Variants in ARHGEF26 observed in about 807,000 individuals in gnomAD.
ARHGEF26 encodes Rho guanine nucleotide exchange factor (GEF) 26.
A neutral mutation model predicts 89.4 loss-of-function variants in ARHGEF26; 59 were observed. That is an observed-to-expected ratio of 0.66 (90% confidence interval 0.54 to 0.82). ARHGEF26 has a LOEUF of 0.82. Among genes scored for constraint, ARHGEF26 ranks in the 40% least tolerant of loss-of-function variants. The pLI, the probability that ARHGEF26 is intolerant of heterozygous loss-of-function variation, is 0.00. For missense variants in ARHGEF26, 1,234 were observed against 1,085.6 expected (o/e 1.14, Z -1.92); for synonymous variants, 500 against 428.4 (o/e 1.17, Z -2.06).
rs766809191 is a variant in ARHGEF26 at position 154,122,641 on chromosome 3, C to A, written c.649C>A (p.Leu217Ile). The A allele has an allele frequency of 6.2e-7, 1 of 1,613,926 alleles. No homozygotes were observed. The highest frequency in any genetic ancestry group is 1.1e-5 in the South Asian group (1 of 91,088). Residue 217 changes from leucine (L) to isoleucine (I), a missense_variant, in exon 2 of 15, where the codon CTC becomes ATC. Leu to Ile is a conservative substitution (Grantham distance 5). Coordinates refer to ENST00000465093, the MANE Select transcript of ARHGEF26 (RefSeq NM_015595.4). ...QKSSSEQKLP[L>I]QRLPSQENEL... ...AAGTTCTTCGGAACAAAAACTCCCC[C>A]TCCAAAGGCTGCCCTCCCAGGAGAA... is the stretch of plus-strand genomic sequence containing the variant.
rs959758319 is a variant in ARHGEF26, at chr3:154,205,747, G to A, written c.1845+11029G>A. Among the ~76,000 whole-genome samples the A allele has an allele frequency of 2.6e-5, 4 of 152,234 alleles. No individual in the cohort carries two copies. In the East Asian group the frequency reaches 7.7e-4, roughly 29 times the overall value. ...ACTATTTGCATAAGCAAGGAAACAA[G>A]CAAACAGAAAACTAATAAGAACTCT... On this transcript the variant is annotated intron_variant, in intron 9 of 14. Transcript: ENST00000465093.
At chr3:154,171,399 C>T (rs894066605) in intron 6 of ARHGEF26, among the ~76,000 whole-genome samples, 4 of 152,198 alleles carry the variant, frequency 2.6e-5, no homozygotes, top group East Asian at 1.9e-4. Context: ...ATTTACATTA[C>T]GGTTTGCTCT....
At chr3:154,236,172 T>A (rs1717117406) in intron 11 of ARHGEF26, among the ~76,000 whole-genome samples, 1 of 152,102 alleles carries the variant, frequency 6.6e-6, no homozygotes, top group Non-Finnish European at 1.5e-5. Context: ...AAAAAAACAA[T>A]CAGAATATGT....
intron 6 of ARHGEF26, among the ~76,000 whole-genome samples, chr3:154,183,471 G>T (rs1713308447): frequency 6.6e-6 from 1 of 152,116 alleles, no homozygotes; most frequent in Admixed American, 6.5e-5. Flanking sequence ...TTTCATTCAA[G>T]TTTCATCCAG....
chr3:154,225,203 A>G (rs1399436565), intron 10 of ARHGEF26, among the ~76,000 whole-genome samples: 4 of 152,146 alleles, frequency 2.6e-5, no homozygotes, highest in Non-Finnish European at 5.9e-5. Context: ...AATGATTATG[A>G]TGGATTATTT....
intron 9 of ARHGEF26, among the ~76,000 whole-genome samples, chr3:154,202,634 G>T (rs1714721534): frequency 6.6e-6 from 1 of 152,148 alleles, no homozygotes; most frequent in Non-Finnish European, 1.5e-5. Flanking sequence ...CTACCCATGA[G>T]CATGGAATGT....
intron 9 of ARHGEF26, among the ~76,000 whole-genome samples, chr3:154,210,998 A>G (rs1206408065): frequency 6.6e-6 from 1 of 151,668 alleles, no homozygotes; most frequent in Non-Finnish European, 1.5e-5. Flanking sequence ...GGGCCTCACA[A>G]CAGTGAGCAT....
chr3:154,147,195 A>T (rs1576702204), intron 4 of ARHGEF26, among the ~76,000 whole-genome samples: 1 of 152,204 alleles, frequency 6.6e-6, no homozygotes, highest in Non-Finnish European at 1.5e-5. Flanking sequence ...GCCTGAGGTC[A>T]GGAGTTCCAG....
chr3:154,232,612 T>C (rs949520059), intron 11 of ARHGEF26, among the ~76,000 whole-genome samples: 3 of 152,116 alleles, frequency 2.0e-5, no homozygotes, highest in Non-Finnish European at 4.4e-5. Flanking sequence ...ATGGATGGCG[T>C]TCTGTTAAGA....
intron 6 of ARHGEF26, among the ~76,000 whole-genome samples, chr3:154,166,616 C>A (rs1366391575): frequency 6.6e-6 from 1 of 152,092 alleles, no homozygotes; most frequent in African/African-American, 2.4e-5. Flanking sequence ...GAGTTGTAGG[C>A]TGTTTGGCAT....
chr3:154,145,472 T>TGTTCA (rs1719642279), intron 4 of ARHGEF26, among the ~76,000 whole-genome samples: 1 of 152,184 alleles, frequency 6.6e-6, no homozygotes, highest in Non-Finnish European at 1.5e-5. Flanking sequence ...CTCAGATGGG[T>TGTTCA]GTTCAGTATA....
intron 6 of ARHGEF26, among the ~76,000 whole-genome samples, chr3:154,174,302 T>A (rs970667469): frequency 3.3e-5 from 5 of 152,234 alleles, no homozygotes; most frequent in African/African-American, 1.2e-4. Flanking sequence ...ACTTCCTTAA[T>A]TTTTAAATGT....
intron 6 of ARHGEF26, among the ~76,000 whole-genome samples, chr3:154,179,254 G>T (rs1043443134): frequency 4.6e-5 from 7 of 152,162 alleles, no homozygotes; most frequent in Non-Finnish European, 7.3e-5. Flanking sequence ...GTTTGTGATT[G>T]CTCTGGCACC....
chr3:154,200,201 T>C (rs765403806), intron 9 of ARHGEF26, among the ~76,000 whole-genome samples: 1 of 152,186 alleles, frequency 6.6e-6, no homozygotes, highest in Non-Finnish European at 1.5e-5. Flanking sequence ...AGGTCTTAGA[T>C]TTAAGTATTT....
In ARHGEF26 at chr3:154,217,967, G is replaced by C; in HGVS notation, c.1935+9G>C. The C allele has an allele frequency of 9.6e-6, 15 of 1,562,644 alleles. No homozygotes were observed. The highest frequency in any genetic ancestry group is 1.2e-5 in the Non-Finnish European group (14 of 1,149,654). Reference sequence around the variant, plus strand: ...TGGAATTTAAAATTAAGGTATTCTCGTACCTTGTTCATTACTGTTCTTGCC... The same window carrying C: ...TGGAATTTAAAATTAAGGTATTCTCCTACCTTGTTCATTACTGTTCTTGCC... On this transcript the variant is annotated intron_variant, in intron 10 of 14. Coordinates refer to ENST00000465093, the MANE Select transcript of ARHGEF26 (RefSeq NM_015595.4).
At chr3:154,244,038 C>G (rs1208404479) in intron 12 of ARHGEF26, among the ~76,000 whole-genome samples, 4 of 151,934 alleles carry the variant, frequency 2.6e-5, no homozygotes, top group Non-Finnish European at 5.9e-5. Flanking sequence ...GGTTTTCTTT[C>G]TTTTATGTCT....
At chr3:154,228,116 G>T (rs1042185256) in intron 11 of ARHGEF26, among the ~76,000 whole-genome samples, 12 of 150,846 alleles carry the variant, frequency 8.0e-5, no homozygotes, top group African/African-American at 2.7e-4. Flanking sequence ...AAAGAGCAAT[G>T]CCATTGGGAG....
rs1560034573 is a variant in ARHGEF26, at chr3:154,122,670, G to C, written c.678G>C (p.Glu226Asp). ...AAAGGCTGCCCTCCCAGGAGAACGA[G>C]CTCCTCGAGAATCCTTCCGTGGTTT... is the stretch of plus-strand genomic sequence containing the variant. ...PLQRLPSQENELLENPSVVLS... is the reference protein window; with the variant it reads ...PLQRLPSQENDLLENPSVVLS... Residue 226 changes from glutamate (E) to aspartate (D), a missense_variant, in exon 2 of 15, where the codon GAG becomes GAC. By Grantham distance (45) the Glu-to-Asp change is conservative. Coordinates refer to ENST00000465093, the MANE Select transcript of ARHGEF26 (RefSeq NM_015595.4). 2 of 1,613,752 alleles carry C rather than the reference G, an allele frequency of 1.2e-6. No individual in the cohort carries two copies.
At chr3:154,247,465 A>G (rs540241054) in intron 12 of ARHGEF26, among the ~76,000 whole-genome samples, 19 of 152,110 alleles carry the variant, frequency 1.2e-4, no homozygotes, top group South Asian at 1.2e-3. Flanking sequence ...AACTACCCCA[A>G]TGGCCTCCTA....
Sources: allele counts gnomAD v4.1 joint callset (sites outside exome capture counted in the v4.1 genomes callset), GRCh38; gene constraint gnomAD v4.1.1; transcripts MANE v1.5; gene names NCBI Gene and HGNC (gene_info 2026-07-23, HGNC 2026-07-21).